Variants in HACD2 observed in about 807,000 individuals in gnomAD.
HACD2 encodes the protein 3-hydroxyacyl-CoA dehydratase 2, also known as very-long-chain (3R)-3-hydroxyacyl-CoA dehydratase 2.
In HACD2, 15 loss-of-function variants were observed where a neutral mutation model predicts 31.0. The observed-to-expected ratio is 0.48, with a 90% CI of 0.32 to 0.75. The LOEUF (loss-of-function observed/expected upper bound fraction) is 0.75. HACD2 is among the 30% of genes least tolerant of loss of function. The probability of loss-of-function intolerance (pLI) is 0.03; values close to 1 mark genes in which losing one functional copy is unlikely to be tolerated. For missense variants in HACD2, 283 were observed against 313.0 expected (o/e 0.90, Z 0.72); for synonymous variants, 115 against 122.2 (o/e 0.94, Z 0.39).
intron 6 of HACD2, among the ~76,000 whole-genome samples, chr3:123,497,493 G>A (rs973590536): frequency 3.3e-5 from 5 of 152,164 alleles, no homozygotes; most frequent in Non-Finnish European, 7.3e-5. Context: ...CTCTGCCTGG[G>A]CCAAGTCTCC....
chr3:123,517,664 G>A (rs1374615842), intron 4 of HACD2, among the ~76,000 whole-genome samples: 1 of 152,126 alleles, frequency 6.6e-6, no homozygotes, highest in Non-Finnish European at 1.5e-5. Context: ...ACACTCCAGA[G>A]GGGAGAAGAT....
chr3:123,547,500 G>T (rs1434546080), intron 3 of HACD2, among the ~76,000 whole-genome samples: 1 of 152,174 alleles, frequency 6.6e-6, no homozygotes. Context: ...GCAGGTTCCT[G>T]TCAAGTTTAG....
At chr3:123,505,917 A>G (rs1177974194) in intron 4 of HACD2, among the ~76,000 whole-genome samples, 1 of 152,238 alleles carries the variant, frequency 6.6e-6, no homozygotes, top group Admixed American at 6.5e-5. Context: ...GCCACCGCAC[A>G]AAGTTGTGTG....
At chr3:123,559,512 G>A (rs986903149) in intron 3 of HACD2, among the ~76,000 whole-genome samples, 2 of 152,320 alleles carry the variant, frequency 1.3e-5, no homozygotes, top group South Asian at 2.1e-4. Flanking sequence ...CAGAACGAGT[G>A]GCTGTAAGGA....
intron 4 of HACD2, among the ~76,000 whole-genome samples, chr3:123,513,560 T>C (rs1343497744): frequency 6.6e-6 from 1 of 152,092 alleles, no homozygotes; most frequent in Non-Finnish European, 1.5e-5. Flanking sequence ...CTGTACTCTT[T>C]AAAATTGACA....
intron 1 of HACD2, among the ~76,000 whole-genome samples, chr3:123,583,133 G>A (rs985545346): frequency 2.0e-5 from 3 of 152,038 alleles, no homozygotes; most frequent in South Asian, 2.1e-4. Context: ...ATCACATAAG[G>A]ACATCAAGTA....
chr3:123,522,657 G>A (rs547446821), intron 4 of HACD2, among the ~76,000 whole-genome samples: 248 of 97,498 alleles, frequency 2.5e-3, no homozygotes, highest in African/African-American at 7.2e-3. Context: ...AATCAAATAA[G>A]GAGACTTTTT....
At chr3:123,509,907 GA>G (rs1018983772) in intron 4 of HACD2, among the ~76,000 whole-genome samples, 146 of 152,054 alleles carry the variant, frequency 9.6e-4, no homozygotes, top group Middle Eastern at 3.4e-3. Context: ...CACTATGGGG[GA>G]AAAAACAACC....
In HACD2 at chr3:123,499,629, G is replaced by C. The variant is rs150786884; in HGVS notation, c.682+886C>G. ...ATGCAATGAGGAGAAGTCCAACCCT[G>C]TCTGATTTAACCTGGGGTTTAGGGA... On this transcript the variant is annotated intron_variant, in intron 6 of 6. Transcript: ENST00000383657. 48 of 456,612 alleles carry C rather than the reference G, an allele frequency of 1.1e-4. No individual in the cohort carries two copies. In the East Asian group the frequency reaches 3.3e-3, roughly 31 times the overall value. 28.3% of individuals were successfully genotyped at this position (456,612 alleles called of 1,614,324 possible).
In HACD2 at chr3:123,530,394, C is replaced by T. The variant is rs200455725; in HGVS notation, c.293-1920G>A. ...AGCGTCCCAAGTAGCTGGGACCACA[C>T]GGTGTGCCAGGTAATTTTTTTTTTT... On this transcript the variant is annotated intron_variant, in intron 3 of 6. Transcript: ENST00000383657. Among the ~76,000 whole-genome samples the T allele has an allele frequency of 3.3e-5, 5 of 151,232 alleles. No individual in the cohort carries two copies. The East Asian group carries it at 7.8e-4, about 24-fold the overall frequency.
At chr3:123,564,440 T>C (rs1255416021) in intron 3 of HACD2, among the ~76,000 whole-genome samples, 2 of 152,090 alleles carry the variant, frequency 1.3e-5, no homozygotes, top group African/African-American at 2.4e-5. Context: ...GGATAAGGTA[T>C]TTCAGGAGGG....
At chr3:123,580,331 C>G (rs901613319) in intron 2 of HACD2, among the ~76,000 whole-genome samples, 3 of 152,000 alleles carry the variant, frequency 2.0e-5, no homozygotes, top group Non-Finnish European at 4.4e-5. Context: ...TAAAAATGAG[C>G]CAGGCACGGT....
At chr3:123,520,316 T>C (rs2056197196) in intron 4 of HACD2, among the ~76,000 whole-genome samples, 1 of 152,212 alleles carries the variant, frequency 6.6e-6, no homozygotes, top group Non-Finnish European at 1.5e-5. Context: ...GCCATTCACA[T>C]ACACATAAGA....
At chr3:123,526,801 T>C (rs1485070067) in intron 4 of HACD2, among the ~76,000 whole-genome samples, 1 of 132,372 alleles carries the variant, frequency 7.6e-6, no homozygotes, top group Non-Finnish European at 1.7e-5. Flanking sequence ...CCAACCAGTT[T>C]CAATGATCTA....
At chr3:123,579,850 A>G (rs1475607368) in intron 2 of HACD2, among the ~76,000 whole-genome samples, 3 of 152,194 alleles carry the variant, frequency 2.0e-5, no homozygotes, top group African/African-American at 7.2e-5. Flanking sequence ...AATGGTTCAC[A>G]TTAGGATTTG....
chr3:123,579,416 C>T (rs926064027), intron 2 of HACD2, among the ~76,000 whole-genome samples: 93 of 151,802 alleles, frequency 6.1e-4, no homozygotes, highest in African/African-American at 2.2e-3. Context: ...CCCATTTCAG[C>T]CTCCCAAGTA....
chr3:123,541,734 T>C (rs898261106), intron 3 of HACD2, among the ~76,000 whole-genome samples: 6 of 152,176 alleles, frequency 3.9e-5, no homozygotes, highest in African/African-American at 7.2e-5. Flanking sequence ...GGTATGTACG[T>C]TTAACATTTG....
intron 4 of HACD2, 55 bp from the exon 5 acceptor site, chr3:123,502,736 C>T (rs956340907): frequency 5.4e-5 from 83 of 1,542,228 alleles, no homozygotes; most frequent in Non-Finnish European, 6.3e-5. Flanking sequence ...TTAATGAAGA[C>T]AGTGTGCAGC....
At chr3:123,529,926 T>A (rs1386792862) in intron 3 of HACD2, among the ~76,000 whole-genome samples, 1 of 151,862 alleles carries the variant, frequency 6.6e-6, no homozygotes, top group African/African-American at 2.4e-5. Context: ...AAAAAAAAAA[T>A]ATATTGAAGA....
Sources: allele counts gnomAD v4.1 joint callset (sites outside exome capture counted in the v4.1 genomes callset), GRCh38; gene constraint gnomAD v4.1.1; transcripts MANE v1.5; gene names NCBI Gene and HGNC (gene_info 2026-07-23, HGNC 2026-07-21).